The following SORCS3 variants were observed in gnomAD, a reference collection of about 807,000 sequenced individuals.
SORCS3 encodes sortilin related VPS10 domain containing receptor 3, also known as VPS10 domain-containing receptor SorCS3.
Under a neutral mutation model 146.3 loss-of-function variants are expected in SORCS3, and 57 were observed. The observed-to-expected ratio is 0.39, with a 90% CI of 0.31 to 0.49. The LOEUF (loss-of-function observed/expected upper bound fraction) is 0.49. Among genes scored for constraint, SORCS3 ranks in the 20% least tolerant of loss-of-function variants. The pLI is 0.92. For synonymous variants in SORCS3, 653 were observed against 618.5 expected (o/e 1.06, Z -0.83); for missense variants, 1,341 against 1,575.5 (o/e 0.85, Z 2.52).
intron 7 of SORCS3, among the ~76,000 whole-genome samples, chr10:105,106,784 A>G (rs551376416): frequency 3.7e-4 from 57 of 152,296 alleles, no homozygotes; most frequent in Non-Finnish European, 6.6e-4. Context: ...TTTTAGCTTG[A>G]CTGAAATGCA....
At chr10:105,016,789 T>C (rs1211535326) in intron 4 of SORCS3, among the ~76,000 whole-genome samples, 1 of 152,158 alleles carries the variant, frequency 6.6e-6, no homozygotes, top group African/African-American at 2.4e-5. Flanking sequence ...AGAGGTTGCA[T>C]TATCTCTCTA....
chr10:105,071,335 C>A (rs1173314383), intron 5 of SORCS3, among the ~76,000 whole-genome samples: 1 of 152,202 alleles, frequency 6.6e-6, no homozygotes, highest in Admixed American at 6.5e-5. Flanking sequence ...GTTCTGTTTT[C>A]CTCATGAAGC....
chr10:104,988,766 T>A (rs553283327), intron 4 of SORCS3, among the ~76,000 whole-genome samples: 33 of 152,326 alleles, frequency 2.2e-4, no homozygotes, highest in African/African-American at 7.7e-4. Context: ...AGATATAGTG[T>A]TTGTTCAATT....
chr10:104,681,166 C>T (rs917799673), intron 1 of SORCS3, among the ~76,000 whole-genome samples: 1 of 152,220 alleles, frequency 6.6e-6, no homozygotes, highest in African/African-American at 2.4e-5. Context: ...CATGGGGAGA[C>T]GCTCATGAAT....
At chr10:105,159,082 G>A (rs2056239101) in intron 11 of SORCS3, 88 bp downstream of exon 11, 3 of 918,654 alleles carry the variant, frequency 3.3e-6, no homozygotes, top group Admixed American at 4.8e-5. Flanking sequence ...ACTCACTTGA[G>A]CATCAGATGA....
In SORCS3 at chr10:105,089,643, G is replaced by C; in HGVS notation, c.1029-132G>C. ...GGACTGCCAGTGGCCACATTCTGCT[G>C]GTTCCCATACTGCAGGATGGTCCTC... On this transcript the variant is annotated intron_variant, in intron 5 of 26. Coordinates refer to ENST00000369701, the MANE Select transcript of SORCS3 (RefSeq NM_014978.3). 4.3e-6 allele frequency: 3 copies of C among 703,410 alleles called. No homozygotes were observed. The East Asian group carries it at 8.1e-5, about 19-fold the overall frequency. The allele number at this position is 703,410 out of a possible 1,614,324, so 43.6% of individuals were successfully genotyped here.
chr10:105,018,566 G>T (rs2055181433), intron 4 of SORCS3, among the ~76,000 whole-genome samples: 1 of 152,190 alleles, frequency 6.6e-6, no homozygotes, highest in Non-Finnish European at 1.5e-5. Context: ...GTTGCTCCTT[G>T]TAGAAATGTG....
intron 4 of SORCS3, among the ~76,000 whole-genome samples, chr10:105,023,451 G>T (rs1009572971): frequency 9.9e-5 from 15 of 152,238 alleles, no homozygotes; most frequent in African/African-American, 3.6e-4. Context: ...GAACTGTGGG[G>T]GGAGCCTCCT....
intron 1 of SORCS3, among the ~76,000 whole-genome samples, chr10:104,713,011 A>G (rs2016436334): frequency 6.6e-6 from 1 of 152,126 alleles, no homozygotes; most frequent in African/African-American, 2.4e-5. Context: ...ATTTAAAGTA[A>G]CTGGGCAGGT....
chr10:104,985,491 C>A (rs1419158744), intron 4 of SORCS3, among the ~76,000 whole-genome samples: 1 of 152,156 alleles, frequency 6.6e-6, no homozygotes, highest in Non-Finnish European at 1.5e-5. Flanking sequence ...TTCTTTCAAG[C>A]TCCTGTTCAT....
chr10:105,224,078 T>C (rs944503559), intron 20 of SORCS3, among the ~76,000 whole-genome samples: 2 of 152,234 alleles, frequency 1.3e-5, no homozygotes, highest in Non-Finnish European at 2.9e-5. Context: ...TGAACTTACA[T>C]TAATACATCA....
intron 2 of SORCS3, among the ~76,000 whole-genome samples, chr10:104,846,525 C>T (rs752231195): frequency 6.6e-6 from 1 of 152,208 alleles, no homozygotes; most frequent in Non-Finnish European, 1.5e-5. Flanking sequence ...GACAAGATGA[C>T]ACCCCCTGTC....
chr10:105,169,317 G>A (rs1364759120), intron 13 of SORCS3, among the ~76,000 whole-genome samples: 2 of 152,106 alleles, frequency 1.3e-5, no homozygotes, highest in African/African-American at 4.8e-5. Flanking sequence ...TCAAGATAAG[G>A]TGTTTAGGCA....
chr10:104,800,594 G>A (rs911168677), intron 1 of SORCS3, among the ~76,000 whole-genome samples: 1 of 152,088 alleles, frequency 6.6e-6, no homozygotes, highest in Admixed American at 6.5e-5. Context: ...CGGGTAGGGG[G>A]TAGATGGGAT....
intron 1 of SORCS3, among the ~76,000 whole-genome samples, chr10:104,838,826 G>C (rs2018103035): frequency 6.6e-6 from 1 of 151,838 alleles, no homozygotes; most frequent in Non-Finnish European, 1.5e-5. Context: ...TCCTACTCAG[G>C]GTCCATCGAG....
At chr10:104,696,071 TATATATCATATACACATATATA>T (rs543794398) in intron 1 of SORCS3, among the ~76,000 whole-genome samples, 41,156 of 62,756 alleles carry the variant, frequency 0.66, 15,816 homozygotes, top group East Asian at 0.84. Flanking sequence ...TTATATATAA[TATATATCATATACACATATATA>T]ATATATCATA....
rs2056977768 is a variant in SORCS3 at position 105,264,139 on chromosome 10, A to T, written c.*765A>T. 1.0e-5 allele frequency: 1 copy of T among 100,320 alleles called. No homozygotes were observed. The highest frequency in any genetic ancestry group is 1.9e-5 in the Non-Finnish European group (1 of 52,162). 6.2% of individuals were successfully genotyped at this position (100,320 alleles called of 1,614,324 possible). A position where few individuals can be genotyped will look rare whatever the true frequency, so the allele number is the denominator to read the frequency against. On this transcript the variant is annotated 3_prime_UTR_variant, in exon 27 of 27. Transcript: ENST00000369701. ...ATAGCTGGTTTCTACTTATGTATAT[A>T]AAGGGGGGTGGGGGGAGGGGCTTCT...
At chr10:104,849,372 A>T (rs2808444) in intron 2 of SORCS3, among the ~76,000 whole-genome samples, 53 of 144,030 alleles carry the variant, frequency 3.7e-4, no homozygotes, top group African/African-American at 1.4e-3. Context: ...AGTTGATGCC[A>T]CTGCACTCCA....
At chr10:105,213,179 A>G (rs2056644422) in intron 17 of SORCS3, among the ~76,000 whole-genome samples, 1 of 152,226 alleles carries the variant, frequency 6.6e-6, no homozygotes, top group South Asian at 2.1e-4. Flanking sequence ...AGATGTATAT[A>G]TGCAAGAAAA....
Sources: gnomAD v4.1 joint callset for allele counts (sites outside exome capture counted in the v4.1 genomes callset) on GRCh38, gnomAD v4.1.1 for gene constraint, MANE v1.5 for transcripts, NCBI Gene and HGNC (gene_info 2026-07-23, HGNC 2026-07-21) for gene names.